Variants in MBOAT2 observed in about 807,000 individuals in gnomAD.
MBOAT2 encodes the protein membrane bound glycerophospholipid O-acyltransferase 2.
In MBOAT2, 28 loss-of-function variants were observed where a neutral mutation model predicts 63.4. The ratio of observed to expected loss-of-function variants is 0.44; its 90% CI spans 0.33 to 0.61. MBOAT2 has a LOEUF of 0.61. MBOAT2 is among the 20% of genes least tolerant of loss of function. The pLI, the probability that MBOAT2 is intolerant of heterozygous loss-of-function variation, is 0.03. For synonymous variants in MBOAT2, 211 were observed against 215.6 expected (o/e 0.98, Z 0.19); for missense variants, 470 against 605.8 (o/e 0.78, Z 2.35).
intron 8 of MBOAT2, among the ~76,000 whole-genome samples, chr2:8,869,346 C>G (rs899122966): frequency 1.3e-5 from 2 of 152,066 alleles, no homozygotes; most frequent in Non-Finnish European, 1.5e-5. Context: ...CGCACCCGAC[C>G]CAGAATTTGT....
intron 9 of MBOAT2, among the ~76,000 whole-genome samples, chr2:8,865,670 C>T (rs1304265543): frequency 1.3e-5 from 2 of 152,242 alleles, no homozygotes; most frequent in Non-Finnish European, 2.9e-5. Context: ...CTTCCCTTTA[C>T]GGGGAATGAA....
intron 4 of MBOAT2, among the ~76,000 whole-genome samples, chr2:8,895,916 T>C (rs545739172): frequency 6.6e-6 from 1 of 152,306 alleles, no homozygotes; most frequent in East Asian, 1.9e-4. Flanking sequence ...AGAAGCCATG[T>C]TGCCCAACTC....
chr2:8,880,963 T>C (rs918642757), intron 6 of MBOAT2, among the ~76,000 whole-genome samples: 6 of 152,058 alleles, frequency 3.9e-5, no homozygotes, highest in Admixed American at 2.6e-4. Flanking sequence ...CTTCAAGAAG[T>C]GCTCCTCTAA....
At chr2:8,916,118 G>A (rs568411495) in intron 3 of MBOAT2, among the ~76,000 whole-genome samples, 73 of 152,322 alleles carry the variant, frequency 4.8e-4, no homozygotes, top group Non-Finnish European at 9.0e-4. Context: ...GAGCTAGCCT[G>A]AGGACAAAGT....
At chr2:8,938,751 AT>A (rs774432585) in intron 3 of MBOAT2, among the ~76,000 whole-genome samples, 6 of 151,360 alleles carry the variant, frequency 4.0e-5, no homozygotes, top group Non-Finnish European at 5.9e-5. Context: ...ATGCCGCCAC[AT>A]TTCATGCCGT....
At position 8,936,916 on chromosome 2, in the gene MBOAT2, T is replaced by A. The variant is rs978665553; in HGVS notation, c.299+6271A>T. Among the ~76,000 whole-genome samples the A allele has an allele frequency of 9.9e-5, 15 of 152,102 alleles. 1 individual carries two copies. The highest frequency in any genetic ancestry group is 4.4e-5 in the Non-Finnish European group (3 of 68,024). ...TCTCAAGGTTAACAGGCTTCCACTC[T>A]TGAATATCGCAGAACACGCCACATT... is the stretch of plus-strand genomic sequence containing the variant. On this transcript the variant is annotated intron_variant, in intron 3 of 12. Transcript: ENST00000305997.
In MBOAT2 at chr2:8,958,477, G is replaced by A. The variant is rs1669384173; in HGVS notation, c.221+20C>T. 2 of 1,555,770 alleles carry A rather than the reference G, an allele frequency of 1.3e-6. No homozygotes were observed. The highest frequency in any genetic ancestry group is 1.7e-6 in the Non-Finnish European group (2 of 1,154,244). On this transcript the variant is annotated intron_variant, in intron 2 of 12. Transcript: ENST00000305997. ...CATCCAAATAGTCTTCATTTTAAAA[G>A]GATCAAAATAATTACTTACCATCCA...
intron 1 of MBOAT2, among the ~76,000 whole-genome samples, chr2:8,969,362 C>G (rs1159968270): frequency 6.6e-6 from 1 of 152,152 alleles, no homozygotes; most frequent in Non-Finnish European, 1.5e-5. Context: ...AAAAGAGCTC[C>G]TGAAGGAAGC....
chr2:8,878,144 C>T (rs780290792), intron 6 of MBOAT2, among the ~76,000 whole-genome samples: 5 of 152,066 alleles, frequency 3.3e-5, no homozygotes, highest in Non-Finnish European at 7.4e-5. Context: ...CTGAAGGCTG[C>T]GGAGGGATTG....
chr2:8,960,520 T>C (rs1669533583), intron 1 of MBOAT2, among the ~76,000 whole-genome samples: 1 of 152,098 alleles, frequency 6.6e-6, no homozygotes, highest in South Asian at 2.1e-4. Flanking sequence ...ACAAAGGATG[T>C]GAGGGGTAAG....
chr2:8,967,748 G>A (rs368365116), intron 1 of MBOAT2, among the ~76,000 whole-genome samples: 2 of 151,868 alleles, frequency 1.3e-5, no homozygotes, highest in South Asian at 4.2e-4. Context: ...ACACATAATG[G>A]GTATTCAGAA....
At chr2:8,885,547 T>C (rs957413416) in intron 5 of MBOAT2, among the ~76,000 whole-genome samples, 3 of 151,686 alleles carry the variant, frequency 2.0e-5, no homozygotes, top group Admixed American at 6.6e-5. Flanking sequence ...TATTGTGAGG[T>C]GACATCAATG....
At chr2:8,866,984 C>T (rs1009989375) in intron 9 of MBOAT2, among the ~76,000 whole-genome samples, 48 of 152,174 alleles carry the variant, frequency 3.2e-4, no homozygotes. Flanking sequence ...TTGGCCTCTT[C>T]ACCTCAAGTT....
intron 2 of MBOAT2, among the ~76,000 whole-genome samples, chr2:8,953,236 G>A (rs1668969200): frequency 6.6e-6 from 1 of 152,156 alleles, no homozygotes. Flanking sequence ...AGTTTGGTGG[G>A]TTATGAAATT....
At chr2:8,946,324 T>C (rs1436370859) in intron 2 of MBOAT2, among the ~76,000 whole-genome samples, 1 of 152,248 alleles carries the variant, frequency 6.6e-6, no homozygotes, top group African/African-American at 2.4e-5. Flanking sequence ...TTAAGCTCTA[T>C]TCCATTACCC....
chr2:8,874,130 A>G (rs572780758), intron 7 of MBOAT2, among the ~76,000 whole-genome samples: 14 of 152,368 alleles, frequency 9.2e-5, no homozygotes, highest in African/African-American at 3.1e-4. Context: ...TAATTTATCA[A>G]TGAAGCTCCA....
At chr2:8,890,222 G>GAT (rs952106642) in intron 4 of MBOAT2, among the ~76,000 whole-genome samples, 5 of 152,130 alleles carry the variant, frequency 3.3e-5, no homozygotes, top group Admixed American at 3.3e-4. Context: ...TGAATCAGCT[G>GAT]AAGAGTCACT....
Position 8,908,451 on chromosome 2 carries a change from A to AAGT in MBOAT2, c.395+169_395+170insACT. 3 of 553,424 alleles carry AAGT rather than the reference A, an allele frequency of 5.4e-6. No homozygotes were observed. In the African/African-American group the frequency reaches 5.8e-5, roughly 11 times the overall value. The allele number at this position is 553,424 out of a possible 1,614,324, so 34.3% of individuals were successfully genotyped here. On this transcript the variant is annotated intron_variant, in intron 4 of 12. Transcript: ENST00000305997. The stretch of plus-strand genomic sequence containing the variant: ...CAAGGCTCTTACTGACTTAGATAGT[A>AAGT]CTAAAAAGACTACTTACAAGAGAGA...
intron 4 of MBOAT2, among the ~76,000 whole-genome samples, chr2:8,903,706 C>G (rs1665131724): frequency 6.6e-6 from 1 of 152,178 alleles, no homozygotes; most frequent in Admixed American, 6.5e-5. Context: ...CACTGCTGTT[C>G]TGTATTTTAA....
Sources: allele counts gnomAD v4.1 joint callset (sites outside exome capture counted in the v4.1 genomes callset), GRCh38; gene constraint gnomAD v4.1.1; transcripts MANE v1.5; gene names NCBI Gene and HGNC (gene_info 2026-07-23, HGNC 2026-07-21).